The following AGMO variants were observed in gnomAD, a reference collection of about 807,000 sequenced individuals.
AGMO encodes glyceryl-ether monooxygenase.
A neutral mutation model predicts 60.2 loss-of-function variants in AGMO; 75 were observed. The observed-to-expected ratio is 1.25, with a 90% CI of 1.03 to 1.51. The LOEUF (loss-of-function observed/expected upper bound fraction) is 1.51. Ranked by LOEUF, AGMO falls within the 40% of genes most tolerant of loss-of-function variation. AGMO has a pLI of 0.00. For synonymous variants in AGMO, 261 were observed against 177.1 expected (o/e 1.47, Z -3.76); for missense variants, 763 against 525.5 (o/e 1.45, Z -4.42).
chr7:15,554,066 C>T (rs1181922096), intron 2 of AGMO, among the ~76,000 whole-genome samples: 1 of 152,146 alleles, frequency 6.6e-6, no homozygotes, highest in Non-Finnish European at 1.5e-5. Context: ...AAAAGCAATT[C>T]ACCTAACCAA....
chr7:15,398,541 G>A (rs998294820), intron 5 of AGMO, among the ~76,000 whole-genome samples: 1 of 152,058 alleles, frequency 6.6e-6, no homozygotes. Flanking sequence ...AAGTCATGGA[G>A]AATTCATTAA....
At chr7:15,290,875 GC>G (rs1784244645) in intron 12 of AGMO, among the ~76,000 whole-genome samples, 3 of 152,244 alleles carry the variant, frequency 2.0e-5, no homozygotes, top group Admixed American at 6.5e-5. Flanking sequence ...AGACAAGGGG[GC>G]CATTAATATA....
the AGMO span, among the ~76,000 whole-genome samples, chr7:15,133,426 C>G: frequency 0.46 from 69,587 of 151,742 alleles, 16,044 homozygotes; most frequent in South Asian, 0.55. Flanking sequence ...AGTTATTGTA[C>G]GGATCATGGA....
At chr7:15,212,129 CA>C (rs141463627) in intron 12 of AGMO, among the ~76,000 whole-genome samples, 1,744 of 151,974 alleles carry the variant, frequency 0.011, 32 homozygotes, top group African/African-American at 0.04. Context: ...ATGTTCAGTC[CA>C]GACTCAATGT....
At chr7:15,392,609 A>G (rs2128485894) in intron 6 of AGMO, among the ~76,000 whole-genome samples, 1 of 152,036 alleles carries the variant, frequency 6.6e-6, no homozygotes, top group Admixed American at 6.5e-5. Flanking sequence ...AACCAGCCTG[A>G]CCAACATGGT....
At chr7:15,367,911 A>G (rs959533772) in intron 10 of AGMO, among the ~76,000 whole-genome samples, 1 of 152,128 alleles carries the variant, frequency 6.6e-6, no homozygotes, top group Non-Finnish European at 1.5e-5. Context: ...ACTCAACTGC[A>G]TCTGTCCAAA....
At chr7:15,398,135 G>T (rs887958507) in intron 5 of AGMO, among the ~76,000 whole-genome samples, 1 of 152,120 alleles carries the variant, frequency 6.6e-6, no homozygotes, top group Non-Finnish European at 1.5e-5. Flanking sequence ...AACAAATGTG[G>T]GTGGAGAGGA....
intron 12 of AGMO, among the ~76,000 whole-genome samples, chr7:15,263,696 A>G (rs952181756): frequency 6.6e-6 from 1 of 152,126 alleles, no homozygotes; most frequent in African/African-American, 2.4e-5. Context: ...ATGAAGGGAT[A>G]AAGAAATATG....
At chr7:15,326,863 T>C (rs963055225) in intron 12 of AGMO, among the ~76,000 whole-genome samples, 1 of 152,146 alleles carries the variant, frequency 6.6e-6, no homozygotes, top group African/African-American at 2.4e-5. Context: ...CATTAATAAT[T>C]AAACTTCCAG....
chr7:15,448,526 T>C (rs1781766466), intron 3 of AGMO, among the ~76,000 whole-genome samples: 1 of 152,156 alleles, frequency 6.6e-6, no homozygotes, highest in African/African-American at 2.4e-5. Flanking sequence ...AAGATATGAA[T>C]GTTAGTTCAA....
At chr7:15,134,638 C>T in the AGMO span, among the ~76,000 whole-genome samples, 1 of 152,248 alleles carries the variant, frequency 6.6e-6, no homozygotes, top group South Asian at 2.1e-4. Context: ...TGATCTCTTT[C>T]TTTTTTATGG....
intron 12 of AGMO, among the ~76,000 whole-genome samples, chr7:15,205,971 T>C (rs1781429558): frequency 6.6e-6 from 1 of 152,118 alleles, no homozygotes; most frequent in Non-Finnish European, 1.5e-5. Flanking sequence ...ACATTAAATA[T>C]GGAGTACTTT....
chr7:15,166,584 A>G, the AGMO span, among the ~76,000 whole-genome samples: 2 of 152,188 alleles, frequency 1.3e-5, no homozygotes, highest in Non-Finnish European at 2.9e-5. Flanking sequence ...AAGAAAAGTT[A>G]TCATTCCAGG....
intron 12 of AGMO, among the ~76,000 whole-genome samples, chr7:15,329,553 TTTCTC>T (rs774494875): frequency 3.9e-5 from 6 of 152,198 alleles, no homozygotes; most frequent in South Asian, 2.1e-4. Context: ...AGTTCAAACA[TTTCTC>T]TTCTATCAGA....
At chr7:15,344,582 C>CA (rs143272310) in intron 12 of AGMO, among the ~76,000 whole-genome samples, 2,718 of 152,174 alleles carry the variant, frequency 0.018, 71 homozygotes, top group African/African-American at 0.06. Flanking sequence ...CCTGTGGTCC[C>CA]AGCCACTCAG....
At chr7:15,523,790 A>C (rs920650406) in intron 3 of AGMO, among the ~76,000 whole-genome samples, 4 of 152,118 alleles carry the variant, frequency 2.6e-5, no homozygotes, top group South Asian at 2.1e-4. Flanking sequence ...CCTATGTGAC[A>C]CACCTGCTCA....
intron 12 of AGMO, among the ~76,000 whole-genome samples, chr7:15,356,566 G>A (rs905128902): frequency 1.3e-5 from 2 of 151,904 alleles, no homozygotes; most frequent in African/African-American, 2.4e-5. Context: ...GAAATGATAA[G>A]CACAAAGTAC....
At chr7:15,264,359 C>T (rs1401375631) in intron 12 of AGMO, among the ~76,000 whole-genome samples, 3 of 151,612 alleles carry the variant, frequency 2.0e-5, no homozygotes, top group African/African-American at 7.3e-5. Context: ...TGCAATAAAA[C>T]CAAAGTAATG....
intron 3 of AGMO, among the ~76,000 whole-genome samples, chr7:15,527,516 A>C (rs1376282325): frequency 6.6e-6 from 1 of 152,222 alleles, no homozygotes; most frequent in Non-Finnish European, 1.5e-5. Context: ...TAAGGAAAGA[A>C]GCCATCTTCA....
Sources: gnomAD v4.1 joint callset for allele counts (sites outside exome capture counted in the v4.1 genomes callset) on GRCh38, gnomAD v4.1.1 for gene constraint, MANE v1.5 for transcripts, NCBI Gene and HGNC (gene_info 2026-07-23, HGNC 2026-07-21) for gene names.